KCND2: variants seen among roughly 807,000 people sequenced by gnomAD.
KCND2 encodes A-type voltage-gated potassium channel KCND2.
A neutral mutation model predicts 54.4 loss-of-function variants in KCND2; 16 were observed. That is an observed-to-expected ratio of 0.29 (90% CI 0.20 to 0.45). The LOEUF (loss-of-function observed/expected upper bound fraction) is 0.45. KCND2 is among the 20% of genes least tolerant of loss of function. KCND2 has a pLI of 1.00. For missense variants in KCND2, 486 were observed against 824.2 expected, an observed-to-expected ratio of 0.59 and a Z score of 5.02; for synonymous variants, 317 against 310.7, an observed-to-expected ratio of 1.02 and a Z score of -0.21.
chr7:120,370,502 A>G (rs574468893), intron 1 of KCND2, among the ~76,000 whole-genome samples: 3 of 152,154 alleles, frequency 2.0e-5, no homozygotes, highest in Admixed American at 2.0e-4. Flanking sequence ...TACCTACAGA[A>G]GCCATGGACA....
intron 1 of KCND2, among the ~76,000 whole-genome samples, chr7:120,678,663 CAT>C (rs1347614288): frequency 6.8e-6 from 1 of 146,624 alleles, no homozygotes; most frequent in Non-Finnish European, 1.5e-5. Flanking sequence ...CATACACACA[CAT>C]ATACATATGT....
intron 1 of KCND2, among the ~76,000 whole-genome samples, chr7:120,440,794 A>G (rs779708053): frequency 6.6e-6 from 1 of 151,978 alleles, no homozygotes; most frequent in Non-Finnish European, 1.5e-5. Flanking sequence ...ACATCTTTCC[A>G]TAATGTCTCT....
chr7:120,544,818 G>A (rs1792023982), intron 1 of KCND2, among the ~76,000 whole-genome samples: 1 of 151,730 alleles, frequency 6.6e-6, no homozygotes, highest in Non-Finnish European at 1.5e-5. Flanking sequence ...CATTAATGTG[G>A]GAGTTCAAAA....
chr7:120,652,980 G>A (rs1308347972), intron 1 of KCND2, among the ~76,000 whole-genome samples: 2 of 152,024 alleles, frequency 1.3e-5, no homozygotes, highest in Non-Finnish European at 2.9e-5. Context: ...TGGATTTTTG[G>A]TGACAGCAAG....
At chr7:120,691,863 A>G (rs1360870167) in intron 1 of KCND2, among the ~76,000 whole-genome samples, 4 of 152,206 alleles carry the variant, frequency 2.6e-5, no homozygotes, top group Non-Finnish European at 5.9e-5. Context: ...AGCAGAGACC[A>G]GTTAGGTAGG....
In KCND2 at chr7:120,707,416, G is replaced by A. The variant is rs889257841; in HGVS notation, c.1116-25487G>A. Among the ~76,000 whole-genome samples the A allele has an allele frequency of 3.3e-5, 5 of 151,910 alleles. No individual in the cohort carries two copies. The East Asian group carries it at 7.7e-4, about 23-fold the overall frequency. On this transcript the variant is annotated intron_variant, in intron 1 of 5. Coordinates refer to ENST00000331113, the MANE Select transcript of KCND2 (RefSeq NM_012281.3). ...AATGACTGCGAGTCACTTAAATGTC[G>A]CCCACAAAACTCAAGCTAAATGTAT...
chr7:120,479,962 CAAAAAAAA>C (rs35246643), intron 1 of KCND2, among the ~76,000 whole-genome samples: 1 of 68,886 alleles, frequency 1.5e-5, no homozygotes, highest in Non-Finnish European at 3.0e-5. Flanking sequence ...GTAAGACTGT[CAAAAAAAA>C]AAAAAAAAAG....
At chr7:120,472,246 T>C (rs1802468110) in intron 1 of KCND2, among the ~76,000 whole-genome samples, 1 of 151,704 alleles carries the variant, frequency 6.6e-6, no homozygotes, top group Admixed American at 6.6e-5. Flanking sequence ...CATAGTACAG[T>C]TGGAATATAA....
chr7:120,440,641 A>G (rs1272091769), intron 1 of KCND2, among the ~76,000 whole-genome samples: 1 of 151,964 alleles, frequency 6.6e-6, no homozygotes, highest in Non-Finnish European at 1.5e-5. Flanking sequence ...TTAAGTCTTT[A>G]ATCCATTTTG....
chr7:120,397,164 C>T (rs1217845553), intron 1 of KCND2, among the ~76,000 whole-genome samples: 3 of 151,982 alleles, frequency 2.0e-5, no homozygotes, highest in Admixed American at 2.0e-4. Context: ...TATGGACCAG[C>T]CAATATGATT....
At chr7:120,579,342 T>A (rs1792482859) in intron 1 of KCND2, among the ~76,000 whole-genome samples, 1 of 152,020 alleles carries the variant, frequency 6.6e-6, no homozygotes, top group African/African-American at 2.4e-5. Context: ...CGGTGGCTCA[T>A]GCCTGTTATC....
At chr7:120,664,067 C>T (rs1474338855) in intron 1 of KCND2, among the ~76,000 whole-genome samples, 2 of 152,130 alleles carry the variant, frequency 1.3e-5, no homozygotes, top group African/African-American at 2.4e-5. Flanking sequence ...TTTGTGAAGG[C>T]ATATACCTGC....
At chr7:120,543,487 T>TA (rs1384897999) in intron 1 of KCND2, among the ~76,000 whole-genome samples, 1 of 152,100 alleles carries the variant, frequency 6.6e-6, no homozygotes, top group Non-Finnish European at 1.5e-5. Context: ...AAAATGTAGT[T>TA]AAAAATGAAT....
chr7:120,329,230 TCCTA>T (rs1725185383), intron 1 of KCND2, among the ~76,000 whole-genome samples: 1 of 151,652 alleles, frequency 6.6e-6, no homozygotes, highest in South Asian at 2.1e-4. Flanking sequence ...CAAGTGATTC[TCCTA>T]TCTCAGCCTC....
chr7:120,719,772 A>G (rs1346801278), intron 1 of KCND2, among the ~76,000 whole-genome samples: 1 of 152,220 alleles, frequency 6.6e-6, no homozygotes, highest in East Asian at 1.9e-4. Flanking sequence ...TCATTTTTAA[A>G]GGCAACTTGG....
At chr7:120,622,687 A>ACTCT (rs1299824907) in intron 1 of KCND2, among the ~76,000 whole-genome samples, 2 of 143,262 alleles carry the variant, frequency 1.4e-5, no homozygotes, top group Non-Finnish European at 3.0e-5. Context: ...ACACACACAC[A>ACTCT]CACTCTCTCT....
At chr7:120,422,638 G>T in intron 1 of KCND2, among the ~76,000 whole-genome samples, 1 of 152,122 alleles carries the variant, frequency 6.6e-6, no homozygotes, top group East Asian at 1.9e-4. Context: ...TTCTTTCACA[G>T]ATGCTGTAAA....
intron 1 of KCND2, among the ~76,000 whole-genome samples, chr7:120,607,053 T>G (rs747575225): frequency 2.6e-5 from 4 of 152,276 alleles, no homozygotes; most frequent in Non-Finnish European, 5.9e-5. Context: ...AACCCTACAG[T>G]CTTGCCAGGA....
chr7:120,510,934 C>T (rs1159790054), intron 1 of KCND2, among the ~76,000 whole-genome samples: 1 of 150,942 alleles, frequency 6.6e-6, no homozygotes, highest in Non-Finnish European at 1.5e-5. Flanking sequence ...CCTACGGCTT[C>T]ACATTTCGTA....
Sources: allele counts gnomAD v4.1 joint callset (sites outside exome capture counted in the v4.1 genomes callset), GRCh38; gene constraint gnomAD v4.1.1; transcripts MANE v1.5; gene names NCBI Gene and HGNC (gene_info 2026-07-23, HGNC 2026-07-21).